Variants in TAFA4 observed in about 807,000 individuals in gnomAD.
The protein encoded by TAFA4 is TAFA chemokine like family member 4.
In TAFA4, 20 loss-of-function variants were observed where a neutral mutation model predicts 21.1. The ratio of observed to expected loss-of-function variants is 0.95; its 90% CI spans 0.67 to 1.38. TAFA4 has a LOEUF of 1.38. TAFA4 is among the 40% of genes most tolerant of loss of function. The probability of loss-of-function intolerance (pLI) is 0.00; values close to 1 mark genes in which losing one functional copy is unlikely to be tolerated. For synonymous variants in TAFA4, 71 were observed against 67.4 expected, an observed-to-expected ratio of 1.05 and a Z score of -0.26; for missense variants, 211 against 180.9, an observed-to-expected ratio of 1.17 and a Z score of -0.95.
rs139099298 is a variant in TAFA4 at position 68,810,116 on chromosome 3, G to C, written c.131-57098C>G. On this transcript the variant is annotated intron_variant, in intron 3 of 5. Transcript: ENST00000295569. ...TTTTTCCTACCTCTATAAAAAATGTGATTGGAATTTGATAAGGAATGCATG... is the reference window on the plus strand; with the variant it reads ...TTTTTCCTACCTCTATAAAAAATGTCATTGGAATTTGATAAGGAATGCATG... 3.3e-3 allele frequency among the ~76,000 whole-genome samples: 501 copies of C among 152,282 alleles called. 1 individual carries two copies. Among genetic ancestry groups the C allele is most frequent in the African/African-American group, 0.012 (480 of 41,562 alleles).
intron 1 of TAFA4, among the ~76,000 whole-genome samples, chr3:68,930,693 T>A (rs958513839): frequency 1.2e-4 from 19 of 152,214 alleles, no homozygotes; most frequent in African/African-American, 4.3e-4. Flanking sequence ...TTCGTCATAA[T>A]GATTCTGAAA....
intron 3 of TAFA4, among the ~76,000 whole-genome samples, chr3:68,802,552 G>A (rs934390239): frequency 2.0e-5 from 3 of 152,076 alleles, no homozygotes; most frequent in South Asian, 2.1e-4. Context: ...GGTATGGTGA[G>A]TATGGCTTTG....
chr3:68,906,117 A>G (rs559922395), intron 1 of TAFA4, among the ~76,000 whole-genome samples: 1 of 152,382 alleles, frequency 6.6e-6, no homozygotes, highest in East Asian at 1.9e-4. Flanking sequence ...TTGTATGTAC[A>G]CAGCAGGTCA....
chr3:68,837,844 G>T (rs950967037), intron 3 of TAFA4, among the ~76,000 whole-genome samples: 2 of 151,470 alleles, frequency 1.3e-5, no homozygotes, highest in African/African-American at 4.8e-5. Context: ...GTTTTGGTTT[G>T]TGTTTTTTTT....
At chr3:68,789,498 G>A (rs1204166814) in intron 3 of TAFA4, among the ~76,000 whole-genome samples, 1 of 152,104 alleles carries the variant, frequency 6.6e-6, no homozygotes, top group East Asian at 1.9e-4. Flanking sequence ...ATTTCACAAT[G>A]TATATGTATA....
intron 3 of TAFA4, among the ~76,000 whole-genome samples, chr3:68,875,935 A>C (rs2089545024): frequency 6.6e-6 from 1 of 152,026 alleles, no homozygotes; most frequent in South Asian, 2.1e-4. Context: ...AAAAAGAGAG[A>C]GAGAACTAAA....
At chr3:68,814,193 A>G (rs1489203392) in intron 3 of TAFA4, among the ~76,000 whole-genome samples, 1 of 152,038 alleles carries the variant, frequency 6.6e-6, no homozygotes, top group Admixed American at 6.6e-5. Context: ...ATCTATGACA[A>G]ACCCACAGCC....
intron 3 of TAFA4, among the ~76,000 whole-genome samples, chr3:68,837,287 G>A (rs1307403390): frequency 6.6e-6 from 1 of 152,166 alleles, no homozygotes; most frequent in African/African-American, 2.4e-5. Flanking sequence ...CAGAATCTGA[G>A]GCCCCACTCC....
chr3:68,885,587 G>A (rs1348027822), intron 1 of TAFA4, among the ~76,000 whole-genome samples: 1 of 152,106 alleles, frequency 6.6e-6, no homozygotes, highest in Non-Finnish European at 1.5e-5. Flanking sequence ...ATTTAACAGA[G>A]GGTCCCAAAT....
intron 3 of TAFA4, among the ~76,000 whole-genome samples, chr3:68,805,497 C>T (rs1470719755): frequency 1.3e-5 from 2 of 152,208 alleles, no homozygotes; most frequent in Non-Finnish European, 2.9e-5. Flanking sequence ...TATAAAGACA[C>T]ATGCACACGT....
At chr3:68,770,853 G>T (rs889076094) in intron 3 of TAFA4, among the ~76,000 whole-genome samples, 5 of 152,170 alleles carry the variant, frequency 3.3e-5, no homozygotes, top group African/African-American at 4.8e-5. Context: ...ATGAAGACAG[G>T]CATTTCTGTT....
intron 3 of TAFA4, among the ~76,000 whole-genome samples, chr3:68,807,399 C>T (rs1703724499): frequency 6.6e-6 from 1 of 152,226 alleles, no homozygotes; most frequent in African/African-American, 2.4e-5. Context: ...TGATGAAGAA[C>T]AATAATTCCC....
intron 3 of TAFA4, among the ~76,000 whole-genome samples, chr3:68,814,863 C>T (rs1311841714): frequency 6.6e-6 from 1 of 152,176 alleles, no homozygotes; most frequent in Non-Finnish European, 1.5e-5. Context: ...CAAGTCAATC[C>T]TAAGCCAAAA....
intron 3 of TAFA4, among the ~76,000 whole-genome samples, chr3:68,858,973 T>C (rs1426968139): frequency 6.6e-6 from 1 of 151,362 alleles, no homozygotes. Flanking sequence ...GAATGAAAAA[T>C]GTCCCATCTG....
chr3:68,872,205 A>G (rs2089491087), intron 3 of TAFA4, among the ~76,000 whole-genome samples: 1 of 151,994 alleles, frequency 6.6e-6, no homozygotes, highest in South Asian at 2.1e-4. Context: ...TATATATATA[A>G]TGGAATATTA....
intron 3 of TAFA4, among the ~76,000 whole-genome samples, chr3:68,786,446 C>G (rs1012756454): frequency 1.3e-5 from 2 of 152,144 alleles, no homozygotes; most frequent in African/African-American, 2.4e-5. Flanking sequence ...CACTGCAGAA[C>G]AGCCACTGCA....
chr3:68,891,820 A>G (rs1036950720), intron 1 of TAFA4, among the ~76,000 whole-genome samples: 32 of 152,220 alleles, frequency 2.1e-4, no homozygotes, highest in Non-Finnish European at 4.4e-4. Context: ...ACATAAAACC[A>G]TTCATCATTT....
rs1005524833 is a variant in TAFA4, at chr3:68,927,215, A to C, written c.-123+5025T>G. 5.3e-5 allele frequency among the ~76,000 whole-genome samples: 8 copies of C among 152,342 alleles called. No homozygotes were observed. The East Asian group carries it at 5.8e-4, about 11-fold the overall frequency. On this transcript the variant is annotated intron_variant, in intron 1 of 5. Coordinates refer to ENST00000295569, the MANE Select transcript of TAFA4 (RefSeq NM_182522.5). The stretch of plus-strand genomic sequence containing the variant: ...AGCTGTATTTAAAGTCTGTGGTTTT[A>C]GGCCCAATGATTCCCAGGTTAGTAA...
chr3:68,900,424 G>A (rs2089834806), intron 1 of TAFA4, among the ~76,000 whole-genome samples: 1 of 151,988 alleles, frequency 6.6e-6, no homozygotes, highest in Admixed American at 6.6e-5. Context: ...CTGCCACAGG[G>A]TCTTTGCACA....
Sources: gnomAD v4.1 joint callset for allele counts (sites outside exome capture counted in the v4.1 genomes callset) on GRCh38, gnomAD v4.1.1 for gene constraint, MANE v1.5 for transcripts, NCBI Gene and HGNC (gene_info 2026-07-23, HGNC 2026-07-21) for gene names.